Variants in CFAP20DC observed in about 807,000 individuals in gnomAD.
CFAP20DC encodes the protein CFAP20 domain containing, also known as protein CFAP20DC.
Under a neutral mutation model 101.7 loss-of-function variants are expected in CFAP20DC, and 84 were observed. The observed-to-expected ratio is 0.83, with a 90% CI of 0.69 to 0.99. The LOEUF is 0.99. CFAP20DC is among the 50% of genes least tolerant of loss of function. The pLI is 0.00. For synonymous variants in CFAP20DC, 359 were observed against 351.2 expected (o/e 1.02, Z -0.25); for missense variants, 1,007 against 970.3 (o/e 1.04, Z -0.50).
intron 13 of CFAP20DC, among the ~76,000 whole-genome samples, chr3:58,848,374 G>GA (rs1407758491): frequency 6.6e-6 from 1 of 152,060 alleles, no homozygotes; most frequent in Non-Finnish European, 1.5e-5. Flanking sequence ...GAAACATAGA[G>GA]AAAATCTTAA....
chr3:58,866,783 T>C (rs2079730196), intron 10 of CFAP20DC, 95 bp from the exon 11 acceptor site: 2 of 817,724 alleles, frequency 2.4e-6, no homozygotes, highest in Non-Finnish European at 3.8e-6. Context: ...ACTTTACTAT[T>C]TGATCATTTA....
chr3:58,806,681 G>A lies in CFAP20DC; in HGVS notation c.2176-225C>T, dbSNP rs1038062547. Among the ~76,000 whole-genome samples the A allele has an allele frequency of 5.9e-5, 9 of 152,166 alleles. No homozygotes were observed. In the South Asian group the frequency reaches 6.2e-4, roughly 11 times the overall value. On this transcript the variant is annotated intron_variant, in intron 14 of 16. Transcript: ENST00000482387. ...TTTCTGCATTTCCACCTGAGGTACC[G>A]GGTTCATCTCACTAGGGAGTGCCAG... is the stretch of plus-strand genomic sequence containing the variant.
chr3:58,759,305 T>G (rs1233378001), intron 15 of CFAP20DC, among the ~76,000 whole-genome samples: 1 of 152,268 alleles, frequency 6.6e-6, no homozygotes, highest in Non-Finnish European at 1.5e-5. Flanking sequence ...TGAGCATTTT[T>G]TCATATGTCT....
intron 4 of CFAP20DC, among the ~76,000 whole-genome samples, chr3:58,963,596 G>A (rs868202413): frequency 6.6e-6 from 1 of 151,940 alleles, no homozygotes; most frequent in Non-Finnish European, 1.5e-5. Context: ...TAACAGAGAA[G>A]CCTCAAAATA....
rs1451195693 is a variant in CFAP20DC at position 58,869,362 on chromosome 3, ATTTTC to A, written c.976_980del (p.Glu326TyrfsTer30). 2 of 1,613,430 alleles carry A rather than the reference ATTTTC, an allele frequency of 1.2e-6. No homozygotes were observed. Among genetic ancestry groups the A allele is most frequent in the Non-Finnish European group, 1.7e-6 (2 of 1,179,620 alleles). On this transcript the variant is annotated frameshift_variant, in exon 9 of 17. Transcript: ENST00000482387. LOFTEE classifies it high-confidence loss of function. The surrounding 1 kb of genome is among the most constrained non-coding windows in gnomAD (Gnocchi z 4.3). Reference sequence around the variant, plus strand: ...GTACAGTCTGCTTTATTTGGTGAATATTTTCTTTATTTCCTTGTTCCTCAGACTCA... The same window carrying A: ...GTACAGTCTGCTTTATTTGGTGAATATTTATTTCCTTGTTCCTCAGACTCA...
chr3:58,992,465 G>C (rs1241864442), intron 4 of CFAP20DC: 5 of 600,334 alleles, frequency 8.3e-6, no homozygotes, highest in Non-Finnish European at 1.0e-5. Flanking sequence ...ATGACATATT[G>C]GTCAGAAAAA....
intron 4 of CFAP20DC, among the ~76,000 whole-genome samples, chr3:58,974,453 G>A (rs946546254): frequency 6.6e-6 from 1 of 151,974 alleles, no homozygotes; most frequent in Non-Finnish European, 1.5e-5. Flanking sequence ...CTTTTTTATG[G>A]CTACATAGTA....
chr3:58,973,509 A>AT (rs1262810623), intron 4 of CFAP20DC, among the ~76,000 whole-genome samples: 1 of 152,178 alleles, frequency 6.6e-6, no homozygotes, highest in African/African-American at 2.4e-5. Context: ...AGCATCCAGG[A>AT]TGACCATCTT....
chr3:58,776,873 C>T (rs564981503), intron 15 of CFAP20DC, among the ~76,000 whole-genome samples: 3 of 151,982 alleles, frequency 2.0e-5, no homozygotes, highest in South Asian at 4.2e-4. Flanking sequence ...AGTCCCTTCA[C>T]CATTTGAGGT....
chr3:59,028,989 A>G (rs1467428453), intron 4 of CFAP20DC, among the ~76,000 whole-genome samples: 1 of 152,208 alleles, frequency 6.6e-6, no homozygotes, highest in Non-Finnish European at 1.5e-5. Context: ...TTCCCAGCCT[A>G]TAATCTTAGT....
At chr3:58,941,081 A>G (rs2088491650) in intron 4 of CFAP20DC, among the ~76,000 whole-genome samples, 1 of 152,158 alleles carries the variant, frequency 6.6e-6, no homozygotes, top group Non-Finnish European at 1.5e-5. Flanking sequence ...CTGAAATCCC[A>G]GCACTTTGGG....
rs1313361325 is a variant in CFAP20DC, at chr3:58,899,579, C to T, written c.550+14129G>A. Among the ~76,000 whole-genome samples, 1 of 152,156 alleles carries T rather than the reference C, an allele frequency of 6.6e-6. No homozygotes were observed. Among genetic ancestry groups the T allele is most frequent in the African/African-American group, 2.4e-5 (1 of 41,438 alleles). ...GTGGCTGCTCTGCTGGGACTCCACA[C>T]AGCTCTGTTTATTGGACCCAGTACC... On this transcript the variant is annotated intron_variant, in intron 6 of 16. Coordinates refer to ENST00000482387, the MANE Select transcript of CFAP20DC (RefSeq NM_001394063.1). The surrounding 1 kb of genome is among the most constrained non-coding windows in gnomAD (Gnocchi z 5.0).
intron 15 of CFAP20DC, among the ~76,000 whole-genome samples, chr3:58,802,986 GA>G (rs1459387834): frequency 9.9e-5 from 15 of 150,798 alleles, no homozygotes; most frequent in Admixed American, 8.6e-4. Flanking sequence ...AAAAAAAAAA[GA>G]AAAAAAATGT....
At chr3:58,730,263 G>A (rs922217355) in intron 3 of CFAP20DC, among the ~76,000 whole-genome samples, 1 of 152,140 alleles carries the variant, frequency 6.6e-6, no homozygotes, top group African/African-American at 2.4e-5. Flanking sequence ...AGTACTGTAT[G>A]GGAGATGATG....
At chr3:59,040,266 T>A (rs1433249387) in intron 3 of CFAP20DC, among the ~76,000 whole-genome samples, 2 of 152,086 alleles carry the variant, frequency 1.3e-5, no homozygotes, top group African/African-American at 4.8e-5. Flanking sequence ...ACTAGCTTCA[T>A]CTGGATTAAA....
intron 5 of CFAP20DC, among the ~76,000 whole-genome samples, chr3:58,923,938 CCT>C (rs911866534): frequency 2.6e-5 from 4 of 152,082 alleles, no homozygotes; most frequent in African/African-American, 7.2e-5. Context: ...GTTTTTTCTC[CCT>C]CTCTGTGCTT....
Position 58,874,975 on chromosome 3 carries a change from T to C in CFAP20DC, c.716-4666A>G, listed in dbSNP as rs1553705026. 6.6e-6 allele frequency among the ~76,000 whole-genome samples: 1 copy of C among 152,216 alleles called. No homozygotes were observed. The highest frequency in any genetic ancestry group is 1.5e-5 in the Non-Finnish European group (1 of 68,042). On this transcript the variant is annotated intron_variant, in intron 7 of 16. Coordinates refer to ENST00000482387, the MANE Select transcript of CFAP20DC (RefSeq NM_001394063.1). The surrounding 1 kb of genome is among the most constrained non-coding windows in gnomAD (Gnocchi z 5.1). Reference sequence around the variant, plus strand: ...GAAGTTGGATTAAATGACTCAAAAATGTCTAACTATGGTTTGAAGTTCATT... The same window carrying C: ...GAAGTTGGATTAAATGACTCAAAAACGTCTAACTATGGTTTGAAGTTCATT...
At chr3:59,036,323 A>C (rs1252748919) in intron 4 of CFAP20DC, among the ~76,000 whole-genome samples, 2 of 152,178 alleles carry the variant, frequency 1.3e-5, no homozygotes, top group Non-Finnish European at 2.9e-5. Flanking sequence ...AAAGAAATAA[A>C]GGGTATTCAA....
At chr3:58,743,834 C>A (rs971460742) in intron 16 of CFAP20DC, among the ~76,000 whole-genome samples, 1 of 152,094 alleles carries the variant, frequency 6.6e-6, no homozygotes, top group Non-Finnish European at 1.5e-5. Context: ...GGGAGTGGTG[C>A]CTACATGGTG....
Sources: allele counts gnomAD v4.1 joint callset (sites outside exome capture counted in the v4.1 genomes callset), GRCh38; gene constraint gnomAD v4.1.1; non-coding constraint Gnocchi (gnomAD v3.1); transcripts MANE v1.5; gene names NCBI Gene and HGNC (gene_info 2026-07-23, HGNC 2026-07-21).